The following WWOX variants were observed in gnomAD, a reference collection of about 807,000 sequenced individuals.
The protein encoded by WWOX is WW domain-containing oxidoreductase.
In WWOX, 69 loss-of-function variants were observed where a neutral mutation model predicts 46.2. That is an observed-to-expected ratio of 1.49 (90% CI 1.23 to 1.82). The LOEUF (loss-of-function observed/expected upper bound fraction) is 1.82. WWOX is among the 40% of genes most tolerant of loss of function. The pLI, the probability that WWOX is intolerant of heterozygous loss-of-function variation, is 0.00. For synonymous variants in WWOX, 359 were observed against 202.6 expected (o/e 1.77, Z -6.56); for missense variants, 919 against 542.6 (o/e 1.69, Z -6.89).
At chr16:78,416,539 C>A (rs1263435728) in intron 6 of WWOX, among the ~76,000 whole-genome samples, 1 of 152,142 alleles carries the variant, frequency 6.6e-6, no homozygotes, top group Non-Finnish European at 1.5e-5. Flanking sequence ...TTTCCCAGGT[C>A]CTCTGTGGGT....
At chr16:79,211,523 T>G (rs1168078870) in intron 8 of WWOX, 85 bp from the exon 9 acceptor site, 19 of 1,579,074 alleles carry the variant, frequency 1.2e-5, no homozygotes, top group Non-Finnish European at 1.6e-5. Flanking sequence ...GGGGGAGGCC[T>G]GCTAATGCCC....
intron 6 of WWOX, among the ~76,000 whole-genome samples, chr16:78,391,906 T>G (rs2082181221): frequency 6.6e-6 from 1 of 151,964 alleles, no homozygotes; most frequent in South Asian, 2.1e-4. Flanking sequence ...GTGCCTCCTC[T>G]TTTCCTCCCT....
At chr16:79,078,077 G>C (rs971893542) in intron 8 of WWOX, 3 of 152,136 alleles carry the variant, frequency 2.0e-5, no homozygotes, top group African/African-American at 4.8e-5. Flanking sequence ...CCCCTCCCCA[G>C]ATTTTTTTTA....
At chr16:78,132,948 C>T (rs1314397076) in intron 4 of WWOX, among the ~76,000 whole-genome samples, 1 of 152,194 alleles carries the variant, frequency 6.6e-6, no homozygotes, top group Non-Finnish European at 1.5e-5. Flanking sequence ...AGAATCGTCA[C>T]TTCAGCTTAT....
At chr16:79,173,708 C>T (rs1014452040) in intron 8 of WWOX, among the ~76,000 whole-genome samples, 7 of 150,554 alleles carry the variant, frequency 4.6e-5, no homozygotes, top group African/African-American at 1.7e-4. Flanking sequence ...GTGAATGATT[C>T]CATAAATCAT....
At chr16:78,568,691 T>G (rs1597281449) in intron 8 of WWOX, among the ~76,000 whole-genome samples, 1 of 152,110 alleles carries the variant, frequency 6.6e-6, no homozygotes, top group Non-Finnish European at 1.5e-5. Context: ...GCCAGGCTGG[T>G]GTCGATTTCC....
chr16:78,313,863 C>CATT (rs1156297452), intron 5 of WWOX, among the ~76,000 whole-genome samples: 1 of 152,204 alleles, frequency 6.6e-6, no homozygotes, highest in Non-Finnish European at 1.5e-5. Context: ...ACTTCCCTGT[C>CATT]ATTCATCAGA....
At chr16:78,908,169 G>A (rs2045015144) in intron 8 of WWOX, among the ~76,000 whole-genome samples, 1 of 152,196 alleles carries the variant, frequency 6.6e-6, no homozygotes, top group Admixed American at 6.5e-5. Context: ...TTAAGAGCCA[G>A]TGTAATTGCC....
chr16:78,358,751 C>G (rs183715610), intron 5 of WWOX, among the ~76,000 whole-genome samples: 18 of 151,512 alleles, frequency 1.2e-4, no homozygotes, highest in Non-Finnish European at 4.4e-5. Flanking sequence ...TGAATATATA[C>G]AAATGAGGGA....
At chr16:78,838,274 A>T (rs1196158955) in intron 8 of WWOX, among the ~76,000 whole-genome samples, 1 of 152,128 alleles carries the variant, frequency 6.6e-6, no homozygotes, top group Non-Finnish European at 1.5e-5. Context: ...TCAAAAAAAG[A>T]CAGGGTAGTT....
chr16:78,316,953 A>G (rs2080368394), intron 5 of WWOX, among the ~76,000 whole-genome samples: 1 of 152,224 alleles, frequency 6.6e-6, no homozygotes, highest in Non-Finnish European at 1.5e-5. Context: ...TTGAACATCT[A>G]ATAAGACCTG....
At chr16:78,383,134 C>A (rs978889168) in intron 5 of WWOX, among the ~76,000 whole-genome samples, 1 of 151,372 alleles carries the variant, frequency 6.6e-6, no homozygotes, top group Non-Finnish European at 1.5e-5. Context: ...CCAATCACCT[C>A]CCACCAGGCC....
chr16:79,115,610 T>G lies in WWOX; in HGVS notation c.1057-95998T>G, dbSNP rs1049908251. Among the ~76,000 whole-genome samples the G allele has an allele frequency of 2.6e-5, 4 of 152,176 alleles. 1 individual carries two copies. The highest frequency in any genetic ancestry group is 2.0e-4 in the Admixed American group (3 of 15,284). On this transcript the variant is annotated intron_variant, in intron 8 of 8. Transcript: ENST00000566780. ...GCCCAGTTCTTCTCACAAAGAAAGA[T>G]CTAAGTGTGATATGAGAGTATATGC...
At chr16:78,460,668 T>A (rs528411550) in intron 8 of WWOX, among the ~76,000 whole-genome samples, 1 of 152,348 alleles carries the variant, frequency 6.6e-6, no homozygotes, top group African/African-American at 2.4e-5. Flanking sequence ...TGACCTGCTG[T>A]GTCCTTGCTT....
intron 8 of WWOX, among the ~76,000 whole-genome samples, chr16:79,081,217 G>A (rs1218126677): frequency 6.6e-6 from 1 of 152,156 alleles, no homozygotes; most frequent in African/African-American, 2.4e-5. Flanking sequence ...AGGCTCGAGT[G>A]CAGTGGCAGC....
intron 8 of WWOX, among the ~76,000 whole-genome samples, chr16:79,118,872 G>T (rs900857901): frequency 6.6e-6 from 1 of 152,192 alleles, no homozygotes; most frequent in African/African-American, 2.4e-5. Context: ...CTTAGTGGTT[G>T]TGATAGTCCA....
intron 5 of WWOX, among the ~76,000 whole-genome samples, chr16:78,286,791 G>T (rs943369620): frequency 7.0e-6 from 1 of 142,770 alleles, no homozygotes; most frequent in African/African-American, 2.6e-5. Context: ...ATAACTATAT[G>T]AGTATCATAG....
intron 5 of WWOX, among the ~76,000 whole-genome samples, chr16:78,199,045 A>C (rs2036147536): frequency 6.6e-6 from 1 of 152,018 alleles, no homozygotes; most frequent in African/African-American, 2.4e-5. Flanking sequence ...CTGTAGCCAT[A>C]ATTAAATCTC....
At chr16:79,037,081 G>A (rs2550690) in intron 8 of WWOX, among the ~76,000 whole-genome samples, 4 of 151,902 alleles carry the variant, frequency 2.6e-5, no homozygotes, top group Admixed American at 2.6e-4. Context: ...TCAGACTCAG[G>A]GCGGGGCCTG....
Sources: allele counts gnomAD v4.1 joint callset (sites outside exome capture counted in the v4.1 genomes callset), GRCh38; gene constraint gnomAD v4.1.1; transcripts MANE v1.5; gene names NCBI Gene and HGNC (gene_info 2026-07-23, HGNC 2026-07-21).